Variants in PFKFB3 observed in about 807,000 individuals in gnomAD.
The protein encoded by PFKFB3 is 6-phosphofructo-2-kinase/fructose-2,6-biphosphatase 3.
PFKFB3 carries 33 observed loss-of-function variants against 68.0 expected under a neutral mutation model. The observed-to-expected ratio is 0.49, with a 90% CI of 0.37 to 0.65. The LOEUF is 0.65. Ranked by LOEUF, PFKFB3 falls within the 30% of genes least tolerant of loss-of-function variation. PFKFB3 has a pLI of 0.00. For missense variants in PFKFB3, 586 were observed against 712.2 expected, an observed-to-expected ratio of 0.82 and a Z score of 2.02; for synonymous variants, 315 against 288.2, an observed-to-expected ratio of 1.09 and a Z score of -0.94.
chr10:6,280,011 G>A, the PFKFB3 span, among the ~76,000 whole-genome samples: 4 of 152,154 alleles, frequency 2.6e-5, no homozygotes, highest in East Asian at 7.7e-4. Flanking sequence ...TGGGAGACAG[G>A]GTTCCAGGGC....
chr10:6,147,323 G>T (rs1161000994), intron 1 of PFKFB3, among the ~76,000 whole-genome samples: 2 of 152,156 alleles, frequency 1.3e-5, no homozygotes, highest in Admixed American at 6.5e-5. Flanking sequence ...AGACTTTGCC[G>T]CCCTGCTCCC....
intron 1 of PFKFB3, among the ~76,000 whole-genome samples, chr10:6,195,727 G>A (rs1843159065): frequency 6.6e-6 from 1 of 152,220 alleles, no homozygotes; most frequent in Non-Finnish European, 1.5e-5. Context: ...AAGGTAGGTG[G>A]GAGTTAGGGG....
chr10:6,278,318 C>T, the PFKFB3 span, among the ~76,000 whole-genome samples: 1 of 151,730 alleles, frequency 6.6e-6, no homozygotes, highest in African/African-American at 2.4e-5. Context: ...GTCTTGCTGC[C>T]AGGCTGGAGT....
At chr10:6,163,509 GA>G (rs1337525407) in intron 1 of PFKFB3, among the ~76,000 whole-genome samples, 1 of 152,110 alleles carries the variant, frequency 6.6e-6, no homozygotes, top group Non-Finnish European at 1.5e-5. Flanking sequence ...GGTAGGTGGG[GA>G]CCCAGCTGGG....
At chr10:6,208,371 C>CTGTTTTTTTTTTTTTTTTTTT in intron 1 of PFKFB3, among the ~76,000 whole-genome samples, 1 of 60,638 alleles carries the variant, frequency 1.6e-5, no homozygotes, top group South Asian at 7.9e-4. Flanking sequence ...GGTACCTGGC[C>CTGTTTTTTTTTTTTTTTTTTT]TTTTTTTTTT....
downstream of PFKFB3, among the ~76,000 whole-genome samples, chr10:6,240,368 G>A (rs551708074): frequency 1.3e-5 from 2 of 152,152 alleles, no homozygotes; most frequent in Middle Eastern, 3.4e-3. Context: ...GGGTTCAAGC[G>A]ATTCTTGTGT....
chr10:6,166,201 C>T (rs1035703973), intron 1 of PFKFB3, among the ~76,000 whole-genome samples: 14 of 152,030 alleles, frequency 9.2e-5, no homozygotes, highest in South Asian at 2.1e-4. Flanking sequence ...AGGCTGGCCT[C>T]GAACACCTGA....
intron 14 of PFKFB3, among the ~76,000 whole-genome samples, chr10:6,243,270 G>A (rs184343179): frequency 1.2e-4 from 18 of 152,330 alleles, no homozygotes; most frequent in Admixed American, 9.2e-4. Flanking sequence ...CACGTCCCAA[G>A]CAGCTGGTCC....
At chr10:6,188,124 C>A (rs113143252) in intron 1 of PFKFB3, among the ~76,000 whole-genome samples, 2,239 of 151,632 alleles carry the variant, frequency 0.015, 67 homozygotes, top group African/African-American at 0.05. Flanking sequence ...TCGTGCCCAG[C>A]CCCTATTTTT....
intron 14 of PFKFB3, chr10:6,231,244 C>T (rs2132045560): frequency 6.7e-7 from 1 of 1,500,556 alleles, no homozygotes. Flanking sequence ...TTCTTCCTCT[C>T]CCCCACTCTG....
chr10:6,196,372 G>A (rs943324848), intron 1 of PFKFB3, among the ~76,000 whole-genome samples: 1 of 152,118 alleles, frequency 6.6e-6, no homozygotes. Flanking sequence ...TAGGATAGAT[G>A]TATATATAAG....
chr10:6,177,422 T>TC (rs1842529351), intron 1 of PFKFB3, among the ~76,000 whole-genome samples: 4 of 136,982 alleles, frequency 2.9e-5, no homozygotes, highest in Non-Finnish European at 4.7e-5. Flanking sequence ...TTTCTCTTTC[T>TC]TCCTTTCTTT....
At position 6,228,166 on chromosome 10, in the gene PFKFB3, C is replaced by T; in HGVS notation, c.1515+1801C>T. ...CTGCAGATTGCGCCCTGCCTCCTGA[C>T]TGACTTCTCTCTCTGCTTCTCCTCC... is the stretch of plus-strand genomic sequence containing the variant. On this transcript the variant is annotated intron_variant, in intron 14 of 14. Transcript: ENST00000379775. The surrounding 1 kb of genome is among the most constrained non-coding windows in gnomAD (Gnocchi z 4.5). 6.2e-7 allele frequency: 1 copy of T among 1,612,718 alleles called. No individual in the cohort carries two copies. Among genetic ancestry groups the T allele is most frequent in the Non-Finnish European group, 8.5e-7 (1 of 1,179,840 alleles).
intron 1 of PFKFB3, among the ~76,000 whole-genome samples, chr10:6,173,529 A>G (rs908694168): frequency 9.9e-5 from 15 of 152,246 alleles, no homozygotes; most frequent in Non-Finnish European, 1.8e-4. Context: ...TCCCCCACCT[A>G]TATATGCTCA....
chr10:6,224,009 C>G lies in PFKFB3; in HGVS notation c.1265C>G (p.Pro422Arg). Reference protein sequence around the residue: ...CPLHTVLKLTPVAYGCRVESI... With the variant: ...CPLHTVLKLTRVAYGCRVESI... ...CTTCACACCGTCCTGAAACTGACGC[C>G]TGTCGCTTATGGTGAGTAGCAACCC... Residue 422 changes from proline to arginine, a missense_variant, in exon 12 of 15, where the codon CCT becomes CGT. Transcript: ENST00000379775. 6.2e-7 allele frequency: 1 copy of G among 1,614,244 alleles called. No homozygotes were observed. Among genetic ancestry groups the G allele is most frequent in the Non-Finnish European group, 8.5e-7 (1 of 1,180,028 alleles).
intron 4 of PFKFB3, 69 bp downstream of exon 4, chr10:6,216,260 G>A (rs2516620): frequency 1.3e-5 from 18 of 1,413,582 alleles, no homozygotes; most frequent in Non-Finnish European, 1.7e-5. Flanking sequence ...CCGGCCTGGG[G>A]TGTACCGAGA....
intron 14 of PFKFB3, among the ~76,000 whole-genome samples, chr10:6,241,838 CTTTCT>C (rs1449608515): frequency 6.2e-5 from 9 of 144,604 alleles, no homozygotes; most frequent in Admixed American, 1.4e-4. Flanking sequence ...TTTTTTTTTG[CTTTCT>C]TTTCTTTTTT....
chr10:6,269,943 C>G, the PFKFB3 span, among the ~76,000 whole-genome samples: 2 of 151,942 alleles, frequency 1.3e-5, no homozygotes, highest in African/African-American at 4.8e-5. Flanking sequence ...CCAGCCTGGC[C>G]AACATGGTGA....
chr10:6,253,164 C>T (rs1313433795), intron 14 of PFKFB3, among the ~76,000 whole-genome samples: 6 of 152,192 alleles, frequency 3.9e-5, no homozygotes, highest in Non-Finnish European at 7.3e-5. Context: ...GTGATCCACA[C>T]GCCTCGGCCT....
Sources: gnomAD v4.1 joint callset for allele counts (sites outside exome capture counted in the v4.1 genomes callset) on GRCh38, gnomAD v4.1.1 for gene constraint, Gnocchi (gnomAD v3.1) non-coding constraint, MANE v1.5 for transcripts, NCBI Gene and HGNC (gene_info 2026-07-23, HGNC 2026-07-21) for gene names.